CTNNA3: variants seen among roughly 807,000 people sequenced by gnomAD.
The protein encoded by CTNNA3 is catenin alpha 3.
Under a neutral mutation model 95.7 loss-of-function variants are expected in CTNNA3, and 76 were observed. The ratio of observed to expected loss-of-function variants is 0.79; its 90% CI spans 0.66 to 0.96. The LOEUF is 0.96. CTNNA3 is among the 40% of genes least tolerant of loss of function. The probability of loss-of-function intolerance (pLI) is 0.00; values close to 1 mark genes in which losing one functional copy is unlikely to be tolerated. For missense variants in CTNNA3, 1,191 were observed against 1,089.8 expected (o/e 1.09, Z -1.31); for synonymous variants, 431 against 374.4 (o/e 1.15, Z -1.74).
chr10:67,629,840 A>T (rs1271544424), intron 2 of CTNNA3, among the ~76,000 whole-genome samples: 1 of 152,058 alleles, frequency 6.6e-6, no homozygotes, highest in Non-Finnish European at 1.5e-5. Flanking sequence ...GTGAATCCAA[A>T]CCTGAAAATG....
intron 7 of CTNNA3, among the ~76,000 whole-genome samples, chr10:66,924,451 T>C (rs372888795): frequency 5.9e-5 from 9 of 152,342 alleles, no homozygotes; most frequent in East Asian, 5.8e-4. Flanking sequence ...GATGTTATTA[T>C]GTTCTACTTT....
At chr10:66,367,129 T>C (rs2092715824) in intron 12 of CTNNA3, among the ~76,000 whole-genome samples, 1 of 152,118 alleles carries the variant, frequency 6.6e-6, no homozygotes, top group Non-Finnish European at 1.5e-5. Context: ...ATTATGAATC[T>C]TCAGGATATA....
At chr10:66,508,627 A>C (rs1367332461) in intron 11 of CTNNA3, among the ~76,000 whole-genome samples, 1 of 152,040 alleles carries the variant, frequency 6.6e-6, no homozygotes, top group Non-Finnish European at 1.5e-5. Context: ...TTCATATCTG[A>C]GTGAGAAGAT....
intron 5 of CTNNA3, among the ~76,000 whole-genome samples, chr10:67,390,260 G>C (rs1477999160): frequency 6.6e-6 from 1 of 152,138 alleles, no homozygotes; most frequent in Non-Finnish European, 1.5e-5. Context: ...ACTACCATCA[G>C]AGAATACTAC....
At chr10:67,648,606 A>G in intron 1 of CTNNA3, 2 of 719,884 alleles carry the variant, frequency 2.8e-6, no homozygotes, top group South Asian at 1.8e-5. Flanking sequence ...CCTTGAAAAA[A>G]TAATTATTCA....
At chr10:66,444,845 G>A (rs1346594593) in intron 11 of CTNNA3, among the ~76,000 whole-genome samples, 2 of 150,950 alleles carry the variant, frequency 1.3e-5, no homozygotes, top group Non-Finnish European at 3.0e-5. Flanking sequence ...AATGTAAATG[G>A]GCTAAATGCT....
At chr10:66,119,690 A>AAGAC (rs1388308560) in intron 13 of CTNNA3, among the ~76,000 whole-genome samples, 2 of 152,100 alleles carry the variant, frequency 1.3e-5, no homozygotes, top group Non-Finnish European at 1.5e-5. Flanking sequence ...CTTAGGTAAA[A>AAGAC]AGACAGGATA....
chr10:66,425,687 T>C (rs890745776), intron 11 of CTNNA3, among the ~76,000 whole-genome samples: 7 of 151,344 alleles, frequency 4.6e-5, no homozygotes, highest in African/African-American at 1.2e-4. Flanking sequence ...TATATATATA[T>C]ACACACACAC....
At chr10:66,074,545 T>A (rs1224512332) in intron 14 of CTNNA3, among the ~76,000 whole-genome samples, 1 of 151,890 alleles carries the variant, frequency 6.6e-6, no homozygotes. Flanking sequence ...TTTTTGCTCA[T>A]CTTCCCTTCC....
chr10:66,321,774 T>G (rs1447605187), intron 12 of CTNNA3, among the ~76,000 whole-genome samples: 13 of 152,162 alleles, frequency 8.5e-5, no homozygotes, highest in Admixed American at 8.5e-4. Flanking sequence ...TTTTAACCTT[T>G]GTCCACTGCT....
chr10:67,740,571 C>T (rs1841330467), intron 1 of CTNNA3, among the ~76,000 whole-genome samples: 1 of 151,538 alleles, frequency 6.6e-6, no homozygotes, highest in Admixed American at 6.6e-5. Context: ...CTCACCATCA[C>T]TGGCCATCAC....
chr10:67,434,838 C>A (rs963472962), intron 5 of CTNNA3, among the ~76,000 whole-genome samples: 1 of 151,916 alleles, frequency 6.6e-6, no homozygotes, highest in Non-Finnish European at 1.5e-5. Flanking sequence ...CATAGGAGAG[C>A]CTTGTTGCTG....
chr10:66,243,347 G>C (rs2132044923), intron 13 of CTNNA3, among the ~76,000 whole-genome samples: 1 of 152,280 alleles, frequency 6.6e-6, no homozygotes, highest in Non-Finnish European at 1.5e-5. Context: ...GGAGAGATTA[G>C]CTAAGTCTGG....
At chr10:66,601,704 C>T (rs564654152) in intron 10 of CTNNA3, among the ~76,000 whole-genome samples, 2 of 151,740 alleles carry the variant, frequency 1.3e-5, no homozygotes, top group South Asian at 2.1e-4. Flanking sequence ...TGCTAACAAA[C>T]GCAGCCTTAG....
chr10:67,625,912 C>T (rs1054015638), intron 2 of CTNNA3, among the ~76,000 whole-genome samples: 4 of 152,140 alleles, frequency 2.6e-5, no homozygotes, highest in African/African-American at 7.2e-5. Flanking sequence ...GGGTCAGGCA[C>T]GGTGGCTTAT....
In CTNNA3 at chr10:67,153,996, A is replaced by T. The variant is rs560296826; in HGVS notation, c.1047+26321T>A. Among the ~76,000 whole-genome samples the T allele has an allele frequency of 3.3e-5, 5 of 152,224 alleles. No homozygotes were observed. The East Asian group carries it at 9.7e-4, about 29-fold the overall frequency. ...CTTTAAGGGAGAAAGGTAATTTCTTATAAAATATAATTATTTGTTAAACAG... is the reference window on the plus strand; with the variant it reads ...CTTTAAGGGAGAAAGGTAATTTCTTTTAAAATATAATTATTTGTTAAACAG... On this transcript the variant is annotated intron_variant, in intron 7 of 17. Coordinates refer to ENST00000433211, the MANE Select transcript of CTNNA3 (RefSeq NM_013266.4).
At chr10:66,520,253 T>A (rs1197899585) in intron 11 of CTNNA3, among the ~76,000 whole-genome samples, 2 of 134,116 alleles carry the variant, frequency 1.5e-5, no homozygotes, top group African/African-American at 5.8e-5. Flanking sequence ...TTCTTTTTTT[T>A]TTTTTTTTTT....
intron 17 of CTNNA3, among the ~76,000 whole-genome samples, chr10:65,925,169 C>G (rs1221913238): frequency 6.6e-6 from 1 of 152,154 alleles, no homozygotes; most frequent in Non-Finnish European, 1.5e-5. Flanking sequence ...ATTCTTGTAT[C>G]CATTCTACCC....
chr10:66,619,166 A>G (rs1005527940), intron 10 of CTNNA3, among the ~76,000 whole-genome samples: 6 of 151,546 alleles, frequency 4.0e-5, no homozygotes, highest in Non-Finnish European at 7.4e-5. Context: ...TTCCTCAGGG[A>G]TCTAGAACTA....
Sources: gnomAD v4.1 joint callset for allele counts (sites outside exome capture counted in the v4.1 genomes callset) on GRCh38, gnomAD v4.1.1 for gene constraint, MANE v1.5 for transcripts, NCBI Gene and HGNC (gene_info 2026-07-23, HGNC 2026-07-21) for gene names.